MACROD2: variants seen among roughly 807,000 people sequenced by gnomAD.
The protein encoded by MACROD2 is mono-ADP ribosylhydrolase 2, also known as ADP-ribose glycohydrolase MACROD2.
Under a neutral mutation model 70.4 loss-of-function variants are expected in MACROD2, and 36 were observed. That is an observed-to-expected ratio of 0.51 (90% confidence interval 0.39 to 0.68). The LOEUF (loss-of-function observed/expected upper bound fraction) is 0.68, where lower values mean the gene tolerates loss of function less well. MACROD2 is among the 30% of genes least tolerant of loss of function. MACROD2 has a pLI of 0.00. For synonymous variants in MACROD2, 172 were observed against 178.8 expected, an observed-to-expected ratio of 0.96 and a Z score of 0.30; for missense variants, 496 against 538.4, an observed-to-expected ratio of 0.92 and a Z score of 0.78.
intron 5 of MACROD2, among the ~76,000 whole-genome samples, chr20:15,091,316 A>C (rs2075791135): frequency 6.6e-6 from 1 of 152,066 alleles, no homozygotes; most frequent in Non-Finnish European, 1.5e-5. Flanking sequence ...ATATGTATAC[A>C]AAAAGGTTAG....
chr20:14,372,174 G>A (rs965452589), intron 3 of MACROD2, among the ~76,000 whole-genome samples: 21 of 152,192 alleles, frequency 1.4e-4, no homozygotes, highest in Non-Finnish European at 2.9e-4. Flanking sequence ...CGCTGTACTC[G>A]GAAGTACTAC....
rs541107121 is a variant in MACROD2, at chr20:14,621,608, A to G, written c.302-63235A>G. Among the ~76,000 whole-genome samples the G allele has an allele frequency of 5.3e-5, 8 of 152,272 alleles. No individual in the cohort carries two copies. The East Asian group carries it at 1.5e-3, about 29-fold the overall frequency. Reference sequence around the variant, plus strand: ...GTTGTTGCTAAGATAACTTTAAATCAGCTGAACCAGCTCTTTCTAATTTTC... The same window carrying G: ...GTTGTTGCTAAGATAACTTTAAATCGGCTGAACCAGCTCTTTCTAATTTTC... On this transcript the variant is annotated intron_variant, in intron 4 of 17. Coordinates refer to ENST00000684519, the MANE Select transcript of MACROD2 (RefSeq NM_001351661.2).
intron 5 of MACROD2, among the ~76,000 whole-genome samples, chr20:14,915,767 G>A (rs533286847): frequency 1.3e-5 from 2 of 152,244 alleles, no homozygotes; most frequent in South Asian, 4.2e-4. Context: ...TCCACAGCAC[G>A]GTTGACAAAA....
intron 3 of MACROD2, among the ~76,000 whole-genome samples, chr20:14,235,377 A>G (rs1569220058): frequency 6.6e-6 from 1 of 152,194 alleles, no homozygotes; most frequent in Non-Finnish European, 1.5e-5. Context: ...TTTGTAGATT[A>G]TAAAACAGAG....
chr20:15,815,900 T>G (rs903345364), intron 8 of MACROD2, among the ~76,000 whole-genome samples: 8 of 152,172 alleles, frequency 5.3e-5, no homozygotes, highest in Non-Finnish European at 7.3e-5. Context: ...AATCTTAAGT[T>G]TATTTACATA....
intron 6 of MACROD2, among the ~76,000 whole-genome samples, chr20:15,396,288 T>G (rs2045859114): frequency 6.6e-6 from 1 of 152,198 alleles, no homozygotes; most frequent in South Asian, 2.1e-4. Flanking sequence ...AAGATTTACT[T>G]TGAGCTCCCT....
intron 7 of MACROD2, among the ~76,000 whole-genome samples, chr20:15,492,411 AG>A (rs1310408018): frequency 6.6e-6 from 1 of 152,082 alleles, no homozygotes; most frequent in Admixed American, 6.6e-5. Context: ...GTGTGTGTTC[AG>A]GAGAAATTAA....
intron 3 of MACROD2, among the ~76,000 whole-genome samples, chr20:14,134,636 C>G (rs571159286): frequency 1.3e-5 from 2 of 152,082 alleles, no homozygotes; most frequent in East Asian, 3.9e-4. Flanking sequence ...GAAACCCTGT[C>G]TCTACTAAAA....
intron 6 of MACROD2, among the ~76,000 whole-genome samples, chr20:15,395,180 C>T (rs926356339): frequency 1.3e-5 from 2 of 152,292 alleles, no homozygotes; most frequent in South Asian, 4.2e-4. Flanking sequence ...ATCCCTGCCA[C>T]AGTCTACCCA....
At chr20:14,598,235 T>C (rs537063258) in intron 4 of MACROD2, among the ~76,000 whole-genome samples, 22 of 152,174 alleles carry the variant, frequency 1.4e-4, no homozygotes, top group Non-Finnish European at 2.9e-4. Context: ...ATGTGCAAGT[T>C]TCCCTCGTAT....
chr20:14,927,276 G>A (rs556531311), intron 5 of MACROD2, among the ~76,000 whole-genome samples: 3 of 152,310 alleles, frequency 2.0e-5, no homozygotes, highest in Admixed American at 1.3e-4. Context: ...ATTGTAGCAT[G>A]TAATCAGAGT....
intron 5 of MACROD2, among the ~76,000 whole-genome samples, chr20:15,216,327 C>A (rs910900494): frequency 1.3e-5 from 2 of 151,790 alleles, no homozygotes; most frequent in Non-Finnish European, 2.9e-5. Flanking sequence ...TATACACCTA[C>A]TATGTACCCA....
chr20:14,265,201 C>T (rs1240698640), intron 3 of MACROD2, among the ~76,000 whole-genome samples: 1 of 152,200 alleles, frequency 6.6e-6, no homozygotes, highest in Non-Finnish European at 1.5e-5. Context: ...ACTACAGATG[C>T]ATTTCCAAGT....
At chr20:15,273,724 G>A (rs6079723) in intron 6 of MACROD2, among the ~76,000 whole-genome samples, 24,002 of 152,078 alleles carry the variant, frequency 0.16, 2,041 homozygotes, top group Non-Finnish European at 0.19. Context: ...CTGGCAATTT[G>A]GGTGCTGTGC....
chr20:14,646,112 A>G lies in MACROD2; in HGVS notation c.302-38731A>G, dbSNP rs1985379101. Among the ~76,000 whole-genome samples, 4 of 149,608 alleles carry G rather than the reference A, an allele frequency of 2.7e-5. No homozygotes were observed. In the South Asian group the frequency reaches 8.5e-4, roughly 32 times the overall value. The stretch of plus-strand genomic sequence containing the variant: ...TAACTTGGAAAAATTTATATTTTAT[A>G]CTAAGTAAATATACAATCATAGCCT... On this transcript the variant is annotated intron_variant, in intron 4 of 17. Transcript: ENST00000684519.
intron 3 of MACROD2, among the ~76,000 whole-genome samples, chr20:14,445,321 T>C (rs1456975294): frequency 6.6e-6 from 1 of 152,074 alleles, no homozygotes; most frequent in Non-Finnish European, 1.5e-5. Flanking sequence ...CATTAAATAT[T>C]TCTTGAATAT....
intron 5 of MACROD2, among the ~76,000 whole-genome samples, chr20:15,106,194 C>T (rs2075909472): frequency 6.6e-6 from 1 of 152,108 alleles, no homozygotes; most frequent in Non-Finnish European, 1.5e-5. Flanking sequence ...TATAGCATGC[C>T]ACTGTCTTGC....
intron 5 of MACROD2, among the ~76,000 whole-genome samples, chr20:14,845,502 A>G (rs1055935466): frequency 3.3e-5 from 5 of 152,100 alleles, no homozygotes; most frequent in Non-Finnish European, 7.4e-5. Flanking sequence ...TAATTAAAAA[A>G]AGAAAATCTG....
intron 4 of MACROD2, among the ~76,000 whole-genome samples, chr20:14,613,249 C>T (rs1170823533): frequency 6.6e-6 from 1 of 152,106 alleles, no homozygotes; most frequent in Non-Finnish European, 1.5e-5. Context: ...GAGAAATACA[C>T]ATATACAGTC....
Sources: gnomAD v4.1 joint callset for allele counts (sites outside exome capture counted in the v4.1 genomes callset) on GRCh38, gnomAD v4.1.1 for gene constraint, MANE v1.5 for transcripts, NCBI Gene and HGNC (gene_info 2026-07-23, HGNC 2026-07-21) for gene names.